Variants in ARSF observed in about 807,000 individuals in gnomAD.
The protein encoded by ARSF is arylsulfatase F.
A neutral mutation model predicts 35.4 loss-of-function variants in ARSF; 33 were observed. The observed-to-expected ratio is 0.93, with a 90% CI of 0.71 to 1.25. ARSF has a LOEUF of 1.25. Among genes scored for constraint, ARSF ranks in the 50% most tolerant of loss-of-function variants. ARSF has a pLI of 0.00. For missense variants in ARSF, 501 were observed against 480.2 expected (o/e 1.04, Z -0.40); for synonymous variants, 222 against 193.1 (o/e 1.15, Z -1.24).
At chrX:3,092,933 GAGGCCA>G (rs1569144495) in intron 7 of ARSF, among the ~76,000 whole-genome samples, 1 of 112,078 alleles carries the variant, frequency 8.9e-6, no homozygotes, top group African/African-American at 3.2e-5. Context: ...AGCACTTTGG[GAGGCCA>G]AGGCGGGTGG....
chrX:3,091,953 A>G (rs905940953), intron 7 of ARSF, among the ~76,000 whole-genome samples: 1 of 111,401 alleles, frequency 9.0e-6, no homozygotes, highest in African/African-American at 3.3e-5. Context: ...GATAGATGAC[A>G]GAGAGACAGA....
chrX:3,044,651 G>A (rs935154302), intron 1 of ARSF, among the ~76,000 whole-genome samples: 2 of 110,626 alleles, frequency 1.8e-5, no homozygotes, highest in Non-Finnish European at 3.8e-5. Flanking sequence ...AAACCACACC[G>A]TCTGAAGTTA....
chrX:3,067,129 A>T (rs1333328411), intron 1 of ARSF, among the ~76,000 whole-genome samples: 1 of 102,776 alleles, frequency 9.7e-6, no homozygotes, highest in Non-Finnish European at 2.0e-5. Flanking sequence ...CTTAACCAAG[A>T]ACGTGTGTGT....
At chrX:3,074,868 C>T (rs775688769) in intron 3 of ARSF, among the ~76,000 whole-genome samples, 37 of 111,073 alleles carry the variant, frequency 3.3e-4, no homozygotes, top group Non-Finnish European at 6.0e-4. Context: ...CTCACCCCAG[C>T]GCCTGATACC....
rs750455899 is a variant in ARSF at position 3,089,562 on chromosome X, G to C, written c.897G>C (p.Thr299=). 6 of 1,209,610 alleles carry C rather than the reference G, an allele frequency of 5.0e-6. No individual in the cohort carries two copies. In the African/African-American group the frequency reaches 1.1e-4, roughly 21 times the overall value. The part of the protein sequence containing the change: ...FLHVHTPLPT[T]DDFTGTSKHG... Reference sequence around the variant, plus strand: ...ACGTGCACACACCTCTCCCCACCACGGACGATTTCACTGGCACCAGCAAGC... The same window carrying C: ...ACGTGCACACACCTCTCCCCACCACCGACGATTTCACTGGCACCAGCAAGC... Residue 299 remains threonine, a synonymous_variant, in exon 7 of 11, where the codon ACG becomes ACC. Coordinates refer to ENST00000381127, the MANE Select transcript of ARSF (RefSeq NM_001201539.2).
At chrX:3,106,615 A>G (rs1321800347) in intron 9 of ARSF, among the ~76,000 whole-genome samples, 2 of 112,294 alleles carry the variant, frequency 1.8e-5, no homozygotes, top group African/African-American at 6.5e-5. Flanking sequence ...TGTAAAAGCC[A>G]AATAGTTATT....
intron 9 of ARSF, among the ~76,000 whole-genome samples, chrX:3,104,201 T>C (rs745851865): frequency 1.8e-5 from 2 of 111,767 alleles, no homozygotes; most frequent in African/African-American, 6.5e-5. Context: ...ATTTTCTTTT[T>C]TTCCCCTTCA....
chrX:3,055,342 CAA>C (rs770014108), intron 1 of ARSF, among the ~76,000 whole-genome samples: 19 of 32,427 alleles, frequency 5.9e-4, no homozygotes, highest in African/African-American at 8.0e-4. Context: ...AACTCCATTT[CAA>C]AAAAAAAAAA....
At chrX:3,084,712 T>C in intron 6 of ARSF, 46 bp downstream of exon 6, 4 of 1,096,028 alleles carry the variant, frequency 3.6e-6, no homozygotes, top group Non-Finnish European at 4.8e-6. Context: ...TAATGATCTC[T>C]TTTTTAAAAG....
intron 7 of ARSF, among the ~76,000 whole-genome samples, chrX:3,097,760 G>C (rs2090346291): frequency 8.9e-6 from 1 of 111,764 alleles, no homozygotes; most frequent in Admixed American, 9.6e-5. Flanking sequence ...GCCAGGTGTG[G>C]TGGCTCACGC....
chrX:3,103,895 A>G lies in ARSF; in HGVS notation c.1236A>G (p.Ser412=), dbSNP rs768797792. Residue 412 remains serine, a synonymous_variant, in exon 9 of 11, where the codon TCA becomes TCG. Coordinates refer to ENST00000381127, the MANE Select transcript of ARSF (RefSeq NM_001201539.2). ...TGGATATTTTACCAACTGTCGCATC[A>G]GTGTCAGGAGGAAGTCTCCCTCAGG... The part of the protein sequence containing the change: ...SLMDILPTVA[S]VSGGSLPQDR... 1.7e-6 allele frequency: 2 copies of G among 1,211,532 alleles called. No individual in the cohort carries two copies. The highest frequency in any genetic ancestry group is 1.8e-5 in the South Asian group (1 of 56,942).
chrX:3,067,704 C>A (rs1386751061), intron 1 of ARSF, among the ~76,000 whole-genome samples: 1 of 110,156 alleles, frequency 9.1e-6, no homozygotes, highest in East Asian at 2.9e-4. Flanking sequence ...ACTAAAAATA[C>A]AAGAATTAGC....
intron 7 of ARSF, among the ~76,000 whole-genome samples, chrX:3,092,660 A>C (rs1356078496): frequency 8.9e-6 from 1 of 112,447 alleles, no homozygotes; most frequent in Non-Finnish European, 1.9e-5. Flanking sequence ...GAGGTTTTGA[A>C]TGTTTTGTCC....
At chrX:3,084,697 A>G in intron 6 of ARSF, 31 bp downstream of exon 6, 3 of 1,117,320 alleles carry the variant, frequency 2.7e-6, no homozygotes, top group Non-Finnish European at 3.6e-6. Context: ...TTCATGTAAT[A>G]ATGATAATGA....
chrX:3,048,546 A>G (rs2089984441), intron 1 of ARSF, among the ~76,000 whole-genome samples: 1 of 112,351 alleles, frequency 8.9e-6, no homozygotes, highest in Admixed American at 9.4e-5. Context: ...TCTCGTGTCT[A>G]CTTCTAATCT....
intron 3 of ARSF, among the ~76,000 whole-genome samples, chrX:3,075,612 C>G (rs1385849203): frequency 9.4e-6 from 1 of 106,647 alleles, no homozygotes; most frequent in Non-Finnish European, 1.9e-5. Flanking sequence ...CTATCCATTT[C>G]TTTCTATCTC....
At chrX:3,040,409 C>G (rs1261600062), upstream of ARSF, among the ~76,000 whole-genome samples, 1 of 110,779 alleles carries the variant, frequency 9.0e-6, no homozygotes, top group African/African-American at 3.3e-5. Flanking sequence ...AGCTGTTTTT[C>G]TACCTCCTTT....
intron 3 of ARSF, among the ~76,000 whole-genome samples, chrX:3,074,260 A>G (rs2090130470): frequency 9.0e-6 from 1 of 111,112 alleles, no homozygotes; most frequent in Non-Finnish European, 1.9e-5. Context: ...TGAGATTATA[A>G]TGTGAAATCT....
intron 1 of ARSF, among the ~76,000 whole-genome samples, chrX:3,065,242 A>C (rs1225635826): frequency 1.1e-5 from 1 of 95,001 alleles, no homozygotes; most frequent in Non-Finnish European, 2.0e-5. Flanking sequence ...CAATGAGAAC[A>C]CTTGGACACA....
Sources: allele counts gnomAD v4.1 joint callset (sites outside exome capture counted in the v4.1 genomes callset), GRCh38; gene constraint gnomAD v4.1.1; transcripts MANE v1.5; gene names NCBI Gene and HGNC (gene_info 2026-07-23, HGNC 2026-07-21).